RMND1: variants seen among roughly 807,000 people sequenced by gnomAD.
RMND1 encodes required for meiotic nuclear division protein 1 homolog.
A neutral mutation model predicts 54.0 loss-of-function variants in RMND1; 41 were observed. The ratio of observed to expected loss-of-function variants is 0.76; its 90% CI spans 0.59 to 0.98. RMND1 has a LOEUF of 0.98. Ranked by LOEUF, RMND1 falls within the 50% of genes least tolerant of loss-of-function variation. RMND1 has a pLI of 0.00. For missense variants in RMND1, 457 were observed against 532.0 expected (o/e 0.86, Z 1.39); for synonymous variants, 183 against 181.7 (o/e 1.01, Z -0.06).
rs9383891 is a variant in RMND1, at chr6:151,412,916, C to G, written c.1200+4363G>C. On this transcript the variant is annotated intron_variant, in intron 10 of 11. Transcript: ENST00000444024. ...TACCCTGATGATCCAGTCACCCCCC[C>G]ACCAGGACCCACCTCCAACACGGGC... is the stretch of plus-strand genomic sequence containing the variant. 2.5e-3 allele frequency among the ~76,000 whole-genome samples: 383 copies of G among 152,122 alleles called. 2 individuals are homozygous for G. The highest frequency in any genetic ancestry group is 3.2e-3 in the Non-Finnish European group (218 of 67,998).
chr6:151,448,716 C>T (rs757467262), intron 1 of RMND1, among the ~76,000 whole-genome samples: 18 of 152,202 alleles, frequency 1.2e-4, no homozygotes, highest in Non-Finnish European at 2.6e-4. Context: ...TTCTTCTCAA[C>T]ACAGCAACCA....
Position 151,444,036 on chromosome 6 carries a change from T to C in RMND1, c.504+1272A>G, listed in dbSNP as rs75071567. ...CTTCAAATTCTTTCCTGGAAGGAAGTAGAAAAAAAAATCTAAAGAAAAATA... is the reference window on the plus strand; with the variant it reads ...CTTCAAATTCTTTCCTGGAAGGAAGCAGAAAAAAAAATCTAAAGAAAAATA... On this transcript the variant is annotated intron_variant, in intron 2 of 11. Coordinates refer to ENST00000444024, the MANE Select transcript of RMND1 (RefSeq NM_017909.4). Among the ~76,000 whole-genome samples the C allele has an allele frequency of 4.6e-5, 7 of 152,162 alleles. No individual in the cohort carries two copies. The East Asian group carries it at 1.4e-3, about 29-fold the overall frequency.
rs751329020 is a variant in RMND1 at position 151,417,327 on chromosome 6, T to C, written c.1152A>G (p.Gly384=). The change falls in exon 10 of 12, where the codon GGA becomes GGG. Residue 384 remains glycine (G), a synonymous_variant. Transcript: ENST00000444024. ...DFYWDRENLE[G]LYDKTCQFLS... Reference sequence around the variant, plus strand: ...GGAATTGACACGTTTTATCGTAAAGTCCTTCCAGGTTTTCTCTGTCCCAGT... The same window carrying C: ...GGAATTGACACGTTTTATCGTAAAGCCCTTCCAGGTTTTCTCTGTCCCAGT... 86 of 1,613,740 alleles carry C rather than the reference T, an allele frequency of 5.3e-5. No individual in the cohort carries two copies. The South Asian group carries it at 7.3e-4, about 14-fold the overall frequency.
intron 10 of RMND1, among the ~76,000 whole-genome samples, chr6:151,413,584 C>T (rs1779919469): frequency 6.6e-6 from 1 of 152,220 alleles, no homozygotes; most frequent in African/African-American, 2.4e-5. Flanking sequence ...TAATTTGTTA[C>T]ACAGCAATAG....
chr6:151,441,184 TG>T (rs1455088719), intron 2 of RMND1, among the ~76,000 whole-genome samples: 2 of 152,368 alleles, frequency 1.3e-5, no homozygotes, highest in Admixed American at 6.5e-5. Context: ...TCGCATGCTC[TG>T]ATCAGAACAT....
At chr6:151,440,074 A>G (rs981310916) in intron 2 of RMND1, among the ~76,000 whole-genome samples, 10 of 151,928 alleles carry the variant, frequency 6.6e-5, no homozygotes, top group African/African-American at 2.2e-4. Flanking sequence ...ATCCCGCCTC[A>G]ACCTCCCGAG....
intron 10 of RMND1, among the ~76,000 whole-genome samples, chr6:151,410,057 ATTT>A (rs35691230): frequency 1.4e-5 from 2 of 140,422 alleles, no homozygotes; most frequent in Non-Finnish European, 3.1e-5. Context: ...TCTTTGTTCC[ATTT>A]TTTTTTTTTT....
intron 1 of RMND1, among the ~76,000 whole-genome samples, chr6:151,450,755 AGAAAGGGGG>A (rs373054071): frequency 0.043 from 6,556 of 151,942 alleles, 232 homozygotes; most frequent in East Asian, 0.16. Flanking sequence ...TTTGTGTAAT[AGAAAGGGGG>A]GAAAGGGGGG....
intron 4 of RMND1, 37 bp downstream of exon 4, chr6:151,433,118 C>T (rs766080867): frequency 7.3e-7 from 1 of 1,370,236 alleles, no homozygotes; most frequent in African/African-American, 1.4e-5. Context: ...TTGACCCAAA[C>T]CCATCATCAC....
At position 151,421,317 on chromosome 6, in the gene RMND1, A is replaced by T; in HGVS notation, c.1007T>A (p.Leu336Ter). Residue 336 changes from leucine (L) to a stop codon, truncating the protein, a stop_gained, in exon 9 of 12, where the codon TTA becomes TAA. Transcript: ENST00000444024. LOFTEE classifies it high-confidence loss of function. ...TAGTTTCACTTTCTTCCCAGCTTTT[A>T]AAGCCTAGTTGAGAGGGAATCGGAA... ...IESIQSIPEALKAGKKVKLSH... is the reference protein window; with the variant it reads ...IESIQSIPEA 3 of 1,611,836 alleles carry T rather than the reference A, an allele frequency of 1.9e-6. No homozygotes were observed. Among genetic ancestry groups the T allele is most frequent in the Non-Finnish European group, 2.5e-6 (3 of 1,178,698 alleles).
chr6:151,417,539 TG>T, intron 9 of RMND1, 140 bp from the exon 10 acceptor site: 1 of 597,432 alleles, frequency 1.7e-6, no homozygotes, highest in Non-Finnish European at 2.8e-6. Context: ...TTACCCGGGA[TG>T]GAGTGCAGTG....
In RMND1 at chr6:151,410,205, C is replaced by T. The variant is rs531510507; in HGVS notation, c.1201-4369G>A. On this transcript the variant is annotated intron_variant, in intron 10 of 11. Transcript: ENST00000444024. ...GAGTAGCTGGGACTACAGACGCCCG[C>T]CACCACGCCCAGCTAATTTTTTTGT... Among the ~76,000 whole-genome samples, 15 of 152,190 alleles carry T rather than the reference C, an allele frequency of 9.9e-5. No individual in the cohort carries two copies. In the South Asian group the frequency reaches 2.9e-3, roughly 29 times the overall value.
Position 151,427,541 on chromosome 6 carries a change from C to T in RMND1, c.771G>A (p.Gln257=). 6 of 1,612,644 alleles carry T rather than the reference C, an allele frequency of 3.7e-6. No homozygotes were observed. Among genetic ancestry groups the T allele is most frequent in the Non-Finnish European group, 5.1e-6 (6 of 1,179,022 alleles). Residue 257 remains glutamine (Q), a synonymous_variant, in exon 6 of 12, where the codon CAG becomes CAA. Transcript: ENST00000444024. ...AGTGTACCAGTGCGATTTCATAGGG[C>T]TGAATTTCATGTTTTTCTAGAACTT... is the stretch of plus-strand genomic sequence containing the variant. ...VMKVLEKHEI[Q]PYEIALVHWE...
rs200676006 is a variant in RMND1 at position 151,405,207 on chromosome 6, T to C, written c.*28A>G. 39 of 1,598,498 alleles carry C rather than the reference T, an allele frequency of 2.4e-5. 1 individual carries two copies. The Middle Eastern group carries it at 2.3e-3, about 95-fold the overall frequency. ...TTTGATTGTAGAACTTGAATATCTC[T>C]TGCAGTGACACTTTGGTTATCACTT... On this transcript the variant is annotated 3_prime_UTR_variant, in exon 12 of 12. Transcript: ENST00000444024.
chr6:151,441,633 A>G (rs1010540134), intron 2 of RMND1, among the ~76,000 whole-genome samples: 1 of 152,252 alleles, frequency 6.6e-6, no homozygotes, highest in African/African-American at 2.4e-5. Context: ...TGAAACCTCC[A>G]TTAAAAACAC....
chr6:151,426,521 C>G (rs1780301281), intron 6 of RMND1, among the ~76,000 whole-genome samples: 1 of 151,932 alleles, frequency 6.6e-6, no homozygotes, highest in South Asian at 2.1e-4. Context: ...CCTTTTCATA[C>G]CCCCACCCCC....
chr6:151,437,274 A>G lies in RMND1; in HGVS notation c.505-720T>C, dbSNP rs1780641088. ...CCAAAACAGCTTTTTTAATAAAACT[A>G]AATAGAAAATATTACAGTGCATTAT... On this transcript the variant is annotated intron_variant, in intron 2 of 11. Coordinates refer to ENST00000444024, the MANE Select transcript of RMND1 (RefSeq NM_017909.4). Among the ~76,000 whole-genome samples, 7 of 152,238 alleles carry G rather than the reference A, an allele frequency of 4.6e-5. No homozygotes were observed. The South Asian group carries it at 1.4e-3, about 31-fold the overall frequency.
At chr6:151,451,735 T>C (rs1181449481) in intron 1 of RMND1, among the ~76,000 whole-genome samples, 1 of 152,198 alleles carries the variant, frequency 6.6e-6, no homozygotes, top group African/African-American at 2.4e-5. Flanking sequence ...ATTCGAGAGC[T>C]AAGTGGCGCT....
Position 151,422,581 on chromosome 6 carries a change from G to A in RMND1, c.962C>T (p.Ser321Leu). 6.5e-7 allele frequency: 1 copy of A among 1,539,786 alleles called. No homozygotes were observed. Among genetic ancestry groups the A allele is most frequent in the African/African-American group, 1.4e-5 (1 of 72,878 alleles). Residue 321 changes from serine to leucine, a missense_variant, in exon 8 of 12, where the codon TCA (serine) becomes TTA (leucine). Transcript: ENST00000444024. ...AATAGATTCAATAAATTTATCCAGT[G>A]ATGCTTCCCAAATTGCCAGTTTTAC... ...LSVKLAIWEASLDKFIESIQS... is the reference protein window; with the variant it reads ...LSVKLAIWEALLDKFIESIQS...
Sources: gnomAD v4.1 joint callset for allele counts (sites outside exome capture counted in the v4.1 genomes callset) on GRCh38, gnomAD v4.1.1 for gene constraint, MANE v1.5 for transcripts, NCBI Gene and HGNC (gene_info 2026-07-23, HGNC 2026-07-21) for gene names.